The following OCA2 variants were observed in gnomAD, a reference collection of about 807,000 sequenced individuals.
OCA2 encodes P protein.
OCA2 carries 77 observed loss-of-function variants against 100.2 expected under a neutral mutation model. The observed-to-expected ratio is 0.77, with a 90% CI of 0.64 to 0.93. OCA2 has a LOEUF of 0.93. Ranked by LOEUF, OCA2 falls within the 40% of genes least tolerant of loss-of-function variation. The pLI is 0.00. For missense variants in OCA2, 1,062 were observed against 1,089.1 expected (o/e 0.98, Z 0.35); for synonymous variants, 432 against 439.2 (o/e 0.98, Z 0.21).
intron 15 of OCA2, among the ~76,000 whole-genome samples, chr15:27,961,924 A>T (rs1259947631): frequency 1.3e-5 from 2 of 152,124 alleles, no homozygotes; most frequent in Admixed American, 1.3e-4. Context: ...TTCTGCACAT[A>T]TATCCCAGAA....
intron 21 of OCA2, among the ~76,000 whole-genome samples, chr15:27,863,581 C>G (rs1004934435): frequency 2.0e-5 from 3 of 152,160 alleles, no homozygotes; most frequent in Non-Finnish European, 2.9e-5. Context: ...CAAGCCCCAT[C>G]TGAGGGTAAA....
chr15:27,771,796 T>A (rs966612489), intron 23 of OCA2, among the ~76,000 whole-genome samples: 2 of 152,194 alleles, frequency 1.3e-5, no homozygotes, highest in African/African-American at 4.8e-5. Flanking sequence ...TGCTTTCCCA[T>A]TCTCTTTCTT....
At chr15:27,721,580 C>T in the OCA2 span, among the ~76,000 whole-genome samples, 20,449 of 152,140 alleles carry the variant, frequency 0.13, 2,599 homozygotes, top group African/African-American at 0.33. Context: ...ACTACCTTCA[C>T]GTAATAAAGT....
chr15:28,012,404 G>A (rs1027570175), intron 9 of OCA2, among the ~76,000 whole-genome samples: 15 of 152,160 alleles, frequency 9.9e-5, no homozygotes, highest in Admixed American at 9.8e-4. Flanking sequence ...CAGCCTCTGG[G>A]AGGTCTTGGG....
intron 23 of OCA2, among the ~76,000 whole-genome samples, chr15:27,793,983 G>T (rs1423006441): frequency 6.6e-6 from 1 of 152,192 alleles, no homozygotes; most frequent in Non-Finnish European, 1.5e-5. Context: ...GGGACTGTGT[G>T]TCACTGGGGG....
rs367613484 is a variant in OCA2 at position 27,850,006 on chromosome 15, G to A, written c.2338+1376C>T. Among the ~76,000 whole-genome samples the A allele has an allele frequency of 4.6e-5, 7 of 152,028 alleles. No homozygotes were observed. In the East Asian group the frequency reaches 5.8e-4, roughly 13 times the overall value. Reference sequence around the variant, plus strand: ...CCAAGACTGAAAACATTCATTATTCGCTGCATCCCTGCTTCCAAAGTGTGC... The same window carrying A: ...CCAAGACTGAAAACATTCATTATTCACTGCATCCCTGCTTCCAAAGTGTGC... On this transcript the variant is annotated intron_variant, in intron 22 of 23. Coordinates refer to ENST00000354638, the MANE Select transcript of OCA2 (RefSeq NM_000275.3).
At chr15:27,974,896 C>T (rs1462094681) in intron 14 of OCA2, among the ~76,000 whole-genome samples, 1 of 152,224 alleles carries the variant, frequency 6.6e-6, no homozygotes, top group African/African-American at 2.4e-5. Flanking sequence ...GTATGACAAG[C>T]CTGGGCTGAG....
intron 21 of OCA2, among the ~76,000 whole-genome samples, chr15:27,870,792 GAAAGAAAGAAAGAAAGAA>G: frequency 6.1e-5 from 2 of 32,924 alleles, no homozygotes; most frequent in East Asian, 0.05. Context: ...GAAAGAAAAA[GAAAGAAAGAAAGAAAGAA>G]AGAGAGAGAG....
intron 2 of OCA2, among the ~76,000 whole-genome samples, chr15:28,049,492 A>C (rs1042275092): frequency 6.6e-6 from 1 of 152,252 alleles, no homozygotes; most frequent in Non-Finnish European, 1.5e-5. Context: ...AATAATGGAA[A>C]GCAGGGACTC....
At chr15:27,759,325 T>C (rs2030642030) in intron 23 of OCA2, among the ~76,000 whole-genome samples, 1 of 152,094 alleles carries the variant, frequency 6.6e-6, no homozygotes, top group African/African-American at 2.4e-5. Context: ...AATGAAATGA[T>C]AAAAAGAAGG....
intron 21 of OCA2, among the ~76,000 whole-genome samples, chr15:27,860,641 T>C (rs111681113): frequency 3.9e-4 from 60 of 152,342 alleles, no homozygotes; most frequent in African/African-American, 1.4e-3. Flanking sequence ...TCATTGTTTT[T>C]ATGACTGTGT....
At chr15:27,724,260 G>C in the OCA2 span, among the ~76,000 whole-genome samples, 2 of 152,192 alleles carry the variant, frequency 1.3e-5, no homozygotes, top group African/African-American at 4.8e-5. Flanking sequence ...GCTGAGATCA[G>C]GGTGTCGGCA....
At chr15:27,858,456 T>A (rs1469817673) in intron 21 of OCA2, among the ~76,000 whole-genome samples, 1 of 150,960 alleles carries the variant, frequency 6.6e-6, no homozygotes, top group Non-Finnish European at 1.5e-5. Flanking sequence ...CACATTTTGT[T>A]AACAAGTGAC....
Position 27,989,552 on chromosome 15 carries a change from C to T in OCA2, c.1182+49G>A, listed in dbSNP as rs529802708. ...TCAGCGGTGGAGGCCAGAGAAGGCC[C>T]GGTTACCGCAGGCGTGGAGCCCAGT... is the stretch of plus-strand genomic sequence containing the variant. On this transcript the variant is annotated intron_variant, in intron 11 of 23. Transcript: ENST00000354638. The T allele has an allele frequency of 6.6e-5, 100 of 1,522,262 alleles. 2 individuals carry two copies. In the South Asian group the frequency reaches 1.0e-3, roughly 15 times the overall value. The allele number at this position is 1,522,262 out of a possible 1,614,324, so 94.3% of individuals were successfully genotyped here.
intron 2 of OCA2, among the ~76,000 whole-genome samples, chr15:28,051,127 G>A (rs1344283810): frequency 6.6e-6 from 1 of 152,192 alleles, no homozygotes; most frequent in Non-Finnish European, 1.5e-5. Context: ...GTTGAAGCAA[G>A]GGGGCAAGTT....
At chr15:28,002,441 G>T (rs2041956783) in intron 9 of OCA2, among the ~76,000 whole-genome samples, 1 of 152,136 alleles carries the variant, frequency 6.6e-6, no homozygotes, top group African/African-American at 2.4e-5. Flanking sequence ...TGTGGTCTGT[G>T]GGGTGCATGA....
At chr15:28,038,993 A>G (rs974664666) in intron 2 of OCA2, among the ~76,000 whole-genome samples, 1 of 152,260 alleles carries the variant, frequency 6.6e-6, no homozygotes, top group African/African-American at 2.4e-5. Context: ...AAGATATTTC[A>G]ATGCTAGTAG....
intron 23 of OCA2, among the ~76,000 whole-genome samples, chr15:27,797,815 C>G (rs2033410583): frequency 6.6e-6 from 1 of 152,156 alleles, no homozygotes; most frequent in African/African-American, 2.4e-5. Context: ...CACAGGAGCA[C>G]CCTGGGGGCT....
Position 27,985,127 on chromosome 15 carries a change from G to A in OCA2, c.1301C>T (p.Ala434Val), listed in dbSNP as rs750755829. The change falls in exon 13 of 24, where the codon GCC (alanine) becomes GTC (valine). Residue 434 changes from alanine to valine, a missense_variant. Ala to Val is a moderately conservative substitution (Grantham distance 64, BLOSUM62 0). Transcript: ENST00000354638. ...GTTGTCCAAGAAGGCAGAGAGGACG[G>A]CCGCGATGAGACAGAGCATGATGAT... is the stretch of plus-strand genomic sequence containing the variant. Reference protein sequence around the residue: ...AMIIMLCLIAAVLSAFLDNVT... With the variant: ...AMIIMLCLIAVVLSAFLDNVT... 1.2e-6 allele frequency: 2 copies of A among 1,614,016 alleles called. No homozygotes were observed. Among genetic ancestry groups the A allele is most frequent in the South Asian group, 1.1e-5 (1 of 91,078 alleles).
Sources: allele counts gnomAD v4.1 joint callset (sites outside exome capture counted in the v4.1 genomes callset), GRCh38; gene constraint gnomAD v4.1.1; transcripts MANE v1.5; gene names NCBI Gene and HGNC (gene_info 2026-07-23, HGNC 2026-07-21).